Variants in KCTD8 observed in about 807,000 individuals in gnomAD.
KCTD8 encodes BTB/POZ domain-containing protein KCTD8.
Under a neutral mutation model 31.5 loss-of-function variants are expected in KCTD8, and 27 were observed. The observed-to-expected ratio is 0.86, with a 90% CI of 0.63 to 1.18. The LOEUF (loss-of-function observed/expected upper bound fraction) is 1.18. Among genes scored for constraint, KCTD8 ranks in the 50% most tolerant of loss-of-function variants. The pLI, the probability that KCTD8 is intolerant of heterozygous loss-of-function variation, is 0.00. For missense variants in KCTD8, 658 were observed against 647.7 expected, an observed-to-expected ratio of 1.02 and a Z score of -0.17; for synonymous variants, 290 against 280.0, an observed-to-expected ratio of 1.04 and a Z score of -0.36.
intron 1 of KCTD8, among the ~76,000 whole-genome samples, chr4:44,316,614 G>A (rs1331586350): frequency 1.3e-5 from 2 of 151,666 alleles, no homozygotes; most frequent in Non-Finnish European, 2.9e-5. Context: ...GAAATATTGA[G>A]GTATGTCAGC....
At chr4:44,383,718 GA>G (rs898141232) in intron 1 of KCTD8, among the ~76,000 whole-genome samples, 1 of 151,550 alleles carries the variant, frequency 6.6e-6, no homozygotes, top group Admixed American at 6.6e-5. Flanking sequence ...GAAACTACTG[GA>G]AAAAAACACA....
chr4:44,227,331 T>C (rs748659195), intron 1 of KCTD8, among the ~76,000 whole-genome samples: 7 of 152,222 alleles, frequency 4.6e-5, no homozygotes, highest in African/African-American at 7.2e-5. Context: ...GTCAGGTTTG[T>C]TGAAGATCAG....
At chr4:44,427,525 G>T (rs530294968) in intron 1 of KCTD8, among the ~76,000 whole-genome samples, 1 of 151,604 alleles carries the variant, frequency 6.6e-6, no homozygotes, top group Non-Finnish European at 1.5e-5. Context: ...TGTGATGAAA[G>T]ATCAATTTAT....
At chr4:44,253,268 C>G (rs1332058411) in intron 1 of KCTD8, among the ~76,000 whole-genome samples, 1 of 151,796 alleles carries the variant, frequency 6.6e-6, no homozygotes, top group East Asian at 1.9e-4. Context: ...GGGCCATGTT[C>G]ATGAGACAGT....
chr4:44,406,394 G>A (rs528264795), intron 1 of KCTD8, among the ~76,000 whole-genome samples: 1 of 152,268 alleles, frequency 6.6e-6, no homozygotes, highest in South Asian at 2.1e-4. Context: ...GGAGGGTCCA[G>A]GTGGGAGATA....
At chr4:44,375,938 G>GTC (rs74813496) in intron 1 of KCTD8, among the ~76,000 whole-genome samples, 18,739 of 151,940 alleles carry the variant, frequency 0.12, 1,364 homozygotes, top group East Asian at 0.26. Flanking sequence ...AGTATTTTGT[G>GTC]TCTCTCTCTC....
chr4:44,253,894 C>T (rs901916179), intron 1 of KCTD8, among the ~76,000 whole-genome samples: 15 of 151,850 alleles, frequency 9.9e-5, no homozygotes, highest in African/African-American at 3.6e-4. Flanking sequence ...CTGCTGTAAC[C>T]AAACCCTAAA....
At chr4:44,215,505 G>A (rs1196931563) in intron 1 of KCTD8, among the ~76,000 whole-genome samples, 1 of 152,112 alleles carries the variant, frequency 6.6e-6, no homozygotes, top group Admixed American at 6.5e-5. Context: ...AAACTTATCA[G>A]TTGTAATTGA....
intron 1 of KCTD8, among the ~76,000 whole-genome samples, chr4:44,175,948 A>G (rs764677304): frequency 6.6e-6 from 1 of 152,202 alleles, no homozygotes; most frequent in East Asian, 1.9e-4. Flanking sequence ...ATTTGAGGTA[A>G]ATTACTTAGG....
chr4:44,400,406 C>T (rs1720617125), intron 1 of KCTD8, among the ~76,000 whole-genome samples: 3 of 149,568 alleles, frequency 2.0e-5, no homozygotes, highest in Admixed American at 2.0e-4. Context: ...CATGCTCAGA[C>T]TGGAGAGAAA....
intron 1 of KCTD8, among the ~76,000 whole-genome samples, chr4:44,363,493 G>A (rs541332115): frequency 1.1e-4 from 17 of 151,834 alleles, no homozygotes; most frequent in African/African-American, 3.9e-4. Context: ...ACAGACTTGA[G>A]TAAAATGAGA....
At chr4:44,209,922 A>G (rs570932767) in intron 1 of KCTD8, among the ~76,000 whole-genome samples, 1 of 152,338 alleles carries the variant, frequency 6.6e-6, no homozygotes, top group African/African-American at 2.4e-5. Context: ...AAAAAAAGCT[A>G]CACTATGGAG....
chr4:44,365,069 T>C (rs892620627), intron 1 of KCTD8, among the ~76,000 whole-genome samples: 9 of 152,082 alleles, frequency 5.9e-5, no homozygotes, highest in South Asian at 2.1e-4. Flanking sequence ...AACTATGGAC[T>C]ATAGATAATA....
At chr4:44,254,664 A>G (rs1031439594) in intron 1 of KCTD8, among the ~76,000 whole-genome samples, 22 of 151,688 alleles carry the variant, frequency 1.5e-4, no homozygotes, top group Non-Finnish European at 2.8e-4. Context: ...TCTCTGCACT[A>G]TGGTAAGAAA....
In KCTD8 at chr4:44,448,211, G is replaced by A. The variant is rs1350986337; in HGVS notation, c.313C>T (p.Leu105Phe). 1 of 1,612,406 alleles carries A rather than the reference G, an allele frequency of 6.2e-7. No individual in the cohort carries two copies. Among genetic ancestry groups the A allele is most frequent in the Non-Finnish European group, 8.5e-7 (1 of 1,179,696 alleles). The stretch of plus-strand genomic sequence containing the variant: ...AGATAATCCAGCACGTACCTGAAAA[G>A]GAAGCCGTCCCGGTCGATGAAGAAG... The part of the protein sequence containing the change: ...ARFFIDRDGF[L>F]FRYVLDYLRD... The change falls in exon 1 of 2, where the codon CTT becomes TTT. Residue 105 changes from leucine (L) to phenylalanine (F), a missense_variant. Transcript: ENST00000360029. This position sits in a 1 kb window ranked among gnomAD's most constrained non-coding sequence, Gnocchi z 4.1.
At chr4:44,181,106 G>C (rs1357306151) in intron 1 of KCTD8, among the ~76,000 whole-genome samples, 4 of 151,726 alleles carry the variant, frequency 2.6e-5, no homozygotes, top group African/African-American at 9.7e-5. Context: ...GCATAGTGCA[G>C]ACTGTCTGGG....
intron 1 of KCTD8, among the ~76,000 whole-genome samples, chr4:44,391,705 C>T (rs575598285): frequency 6.6e-6 from 1 of 151,806 alleles, no homozygotes; most frequent in South Asian, 2.1e-4. Context: ...TTGGGGGAGT[C>T]AAAAAGTTGG....
At chr4:44,401,969 TTGA>T (rs1720675073) in intron 1 of KCTD8, among the ~76,000 whole-genome samples, 1 of 152,204 alleles carries the variant, frequency 6.6e-6, no homozygotes, top group Admixed American at 6.5e-5. Context: ...ACTGAAATAT[TTGA>T]TGAAGTATAA....
rs139086161 is a variant in KCTD8, at chr4:44,404,792, T to G, written c.961+42771A>C. Among the ~76,000 whole-genome samples the G allele has an allele frequency of 5.7e-3, 874 of 152,322 alleles. 11 individuals are homozygous for G. The highest frequency in any genetic ancestry group is 0.02 in the African/African-American group (815 of 41,588). ...ACATCATTTTACATTTAATCTTATGTTTAAAATCGTATAAAAGTAATGAAG... is the reference window on the plus strand; with the variant it reads ...ACATCATTTTACATTTAATCTTATGGTTAAAATCGTATAAAAGTAATGAAG... On this transcript the variant is annotated intron_variant, in intron 1 of 1. Transcript: ENST00000360029.
Sources: gnomAD v4.1 joint callset for allele counts (sites outside exome capture counted in the v4.1 genomes callset) on GRCh38, gnomAD v4.1.1 for gene constraint, Gnocchi (gnomAD v3.1) non-coding constraint, MANE v1.5 for transcripts, NCBI Gene and HGNC (gene_info 2026-07-23, HGNC 2026-07-21) for gene names.